The following RIMS1 variants were observed in gnomAD, a reference collection of about 807,000 sequenced individuals.
RIMS1 encodes regulating synaptic membrane exocytosis protein 1.
In RIMS1, 83 loss-of-function variants were observed where a neutral mutation model predicts 214.1. The ratio of observed to expected loss-of-function variants is 0.39; its 90% CI spans 0.32 to 0.47. The LOEUF (loss-of-function observed/expected upper bound fraction) is 0.47, where lower values mean the gene tolerates loss of function less well. Among genes scored for constraint, RIMS1 ranks in the 20% least tolerant of loss-of-function variants. The probability of loss-of-function intolerance (pLI) is 0.99; values close to 1 mark genes in which losing one functional copy is unlikely to be tolerated. For synonymous variants in RIMS1, 793 were observed against 786.8 expected, an observed-to-expected ratio of 1.01 and a Z score of -0.13; for missense variants, 2,050 against 2,161.8, an observed-to-expected ratio of 0.95 and a Z score of 1.03.
chr6:72,069,250 C>T (rs577446183), intron 2 of RIMS1, among the ~76,000 whole-genome samples: 1 of 152,308 alleles, frequency 6.6e-6, no homozygotes, highest in East Asian at 1.9e-4. Context: ...CACCTAGGTG[C>T]TTTGCTGCTG....
intron 6 of RIMS1, among the ~76,000 whole-genome samples, chr6:72,189,642 T>G (rs951366052): frequency 2.0e-5 from 3 of 152,180 alleles, no homozygotes; most frequent in African/African-American, 7.2e-5. Context: ...GGGCTCAGTG[T>G]TGGTCTCTGC....
rs1829414299 is a variant in RIMS1 at position 72,066,820 on chromosome 6, ACTC to A, written c.246-30124_246-30122del. Among the ~76,000 whole-genome samples the A allele has an allele frequency of 2.0e-5, 3 of 151,464 alleles. No individual in the cohort carries two copies. The South Asian group carries it at 6.3e-4, about 32-fold the overall frequency. On this transcript the variant is annotated intron_variant, in intron 2 of 33. Coordinates refer to ENST00000521978, the MANE Select transcript of RIMS1 (RefSeq NM_014989.7). ...CTCTTGAATTTTCTCCCTCAAATAAACTCCTCCCCTGGCTTTCTAATTTTCATA... is the reference window on the plus strand; with the variant it reads ...CTCTTGAATTTTCTCCCTCAAATAAACTCCCCTGGCTTTCTAATTTTCATA...
At chr6:71,899,554 C>G (rs961291980) in intron 1 of RIMS1, among the ~76,000 whole-genome samples, 1 of 152,196 alleles carries the variant, frequency 6.6e-6, no homozygotes, top group African/African-American at 2.4e-5. Flanking sequence ...TGTAATCTCA[C>G]ATACCCACAT....
intron 29 of RIMS1, among the ~76,000 whole-genome samples, chr6:72,337,351 T>C (rs1404690419): frequency 1.3e-5 from 2 of 151,924 alleles, no homozygotes; most frequent in East Asian, 3.9e-4. Flanking sequence ...GGGAAGGTTC[T>C]ACAAATCTGT....
intron 4 of RIMS1, among the ~76,000 whole-genome samples, chr6:72,129,956 T>C (rs2153837559): frequency 6.6e-6 from 1 of 152,294 alleles, no homozygotes; most frequent in East Asian, 1.9e-4. Context: ...CTATGACTCC[T>C]TCTTTACAAG....
chr6:71,931,470 T>C (rs1783014106), intron 1 of RIMS1, among the ~76,000 whole-genome samples: 1 of 152,076 alleles, frequency 6.6e-6, no homozygotes, highest in Non-Finnish European at 1.5e-5. Context: ...CTAGTGAGTG[T>C]CATTCAAGGA....
At chr6:72,092,756 CTCTGGGAGAAGAACATGGTGCCCT>C (rs1370647819) in intron 2 of RIMS1, among the ~76,000 whole-genome samples, 1 of 152,080 alleles carries the variant, frequency 6.6e-6, no homozygotes, top group African/African-American at 2.4e-5. Context: ...AGGTATGTCC[CTCTGGGAGAAGAACATGGTGCCCT>C]GGTGGCTGTC....
At chr6:72,018,394 T>C (rs1349025452) in intron 2 of RIMS1, among the ~76,000 whole-genome samples, 1 of 151,896 alleles carries the variant, frequency 6.6e-6, no homozygotes, top group Non-Finnish European at 1.5e-5. Context: ...ATTTATGTGT[T>C]TGTGTGTGTG....
At chr6:72,199,543 G>T (rs2496523) in intron 6 of RIMS1, among the ~76,000 whole-genome samples, 5 of 151,958 alleles carry the variant, frequency 3.3e-5, no homozygotes, top group African/African-American at 9.7e-5. Context: ...GTGTCTGCAT[G>T]AAAATAAAGG....
chr6:72,015,388 C>A (rs770004219), intron 2 of RIMS1, among the ~76,000 whole-genome samples: 19 of 152,118 alleles, frequency 1.2e-4, no homozygotes, highest in Non-Finnish European at 2.9e-5. Flanking sequence ...ATATTCATCA[C>A]CCTTGCTGAG....
Position 72,274,373 on chromosome 6 carries a change from T to G in RIMS1, c.3423T>G (p.Asp1141Glu). 1 of 1,612,816 alleles carries G rather than the reference T, an allele frequency of 6.2e-7. No homozygotes were observed. The highest frequency in any genetic ancestry group is 8.5e-7 in the Non-Finnish European group (1 of 1,179,124). The stretch of plus-strand genomic sequence containing the variant: ...GGGGTAGATGGTCCCCCTCCCTAGA[T>G]AGGAGACGACCTCCTAGTCCCAGGA... ...RERGRWSPSL[D>E]RRRPPSPRIQ... Residue 1141 changes from aspartate (D) to glutamate (E), a missense_variant, in exon 23 of 34, where the codon GAT (aspartate) becomes GAG (glutamate). Around this residue, in one of 6 missense-constraint regions of RIMS1, gnomAD observed 889 missense variants for 885.5 expected, o/e 1.00. Transcript: ENST00000521978.
At chr6:72,021,241 C>T (rs1814578747) in intron 2 of RIMS1, among the ~76,000 whole-genome samples, 1 of 152,080 alleles carries the variant, frequency 6.6e-6, no homozygotes, top group South Asian at 2.1e-4. Flanking sequence ...AAATGTGTTT[C>T]CTTCTGTTGA....
rs1409613625 is a variant in RIMS1, at chr6:72,333,870, T to C, written c.4366+35T>C. The C allele has an allele frequency of 2.8e-6, 4 of 1,432,036 alleles. No homozygotes were observed. The African/African-American group carries it at 5.7e-5, about 20-fold the overall frequency. 88.7% of individuals were successfully genotyped at this position (1,432,036 alleles called of 1,614,324 possible). A position where few individuals can be genotyped will look rare whatever the true frequency, so the allele number is the denominator to read the frequency against. On this transcript the variant is annotated intron_variant, in intron 29 of 33. Coordinates refer to ENST00000521978, the MANE Select transcript of RIMS1 (RefSeq NM_014989.7). ...GTGAATTCAACCTAAACAACTCAAT[T>C]CTTTTATGGAGAGAAAAACTTGATC...
intron 2 of RIMS1, among the ~76,000 whole-genome samples, chr6:72,096,263 G>C (rs2031634915): frequency 6.6e-6 from 1 of 152,166 alleles, no homozygotes; most frequent in Non-Finnish European, 1.5e-5. Context: ...GTAAGATTTA[G>C]AACTTTTGAT....
At chr6:72,200,644 GA>G (rs2051786155) in intron 6 of RIMS1, among the ~76,000 whole-genome samples, 2 of 152,156 alleles carry the variant, frequency 1.3e-5, no homozygotes, top group Admixed American at 1.3e-4. Context: ...ACAGAAGAGA[GA>G]CTACTGTCTG....
At chr6:72,058,150 G>A (rs1486995900) in intron 2 of RIMS1, among the ~76,000 whole-genome samples, 1 of 152,226 alleles carries the variant, frequency 6.6e-6, no homozygotes, top group Admixed American at 6.5e-5. Context: ...CCCTGATCTT[G>A]TAAAATGTAT....
chr6:72,018,215 T>A (rs915193981), intron 2 of RIMS1, among the ~76,000 whole-genome samples: 2 of 152,142 alleles, frequency 1.3e-5, no homozygotes, highest in Non-Finnish European at 2.9e-5. Flanking sequence ...GTTTTAAGTA[T>A]TAGTTGAATT....
At chr6:71,891,642 T>G (rs1365918710) in intron 1 of RIMS1, among the ~76,000 whole-genome samples, 1 of 152,204 alleles carries the variant, frequency 6.6e-6, no homozygotes, top group Non-Finnish European at 1.5e-5. Flanking sequence ...TTCCTATGTA[T>G]GCAGGTATCA....
At chr6:72,052,428 CTT>C (rs1205020554) in intron 2 of RIMS1, among the ~76,000 whole-genome samples, 1 of 152,178 alleles carries the variant, frequency 6.6e-6, no homozygotes, top group Non-Finnish European at 1.5e-5. Flanking sequence ...ACTCTGGAAA[CTT>C]TTACTTCCAC....
Sources: gnomAD v4.1 joint callset for allele counts (sites outside exome capture counted in the v4.1 genomes callset) on GRCh38, gnomAD v4.1.1 for gene constraint, gnomAD v4.1.1 regional missense constraint, MANE v1.5 for transcripts, NCBI Gene and HGNC (gene_info 2026-07-23, HGNC 2026-07-21) for gene names.